AFAP1: variants seen among roughly 807,000 people sequenced by gnomAD.
AFAP1 encodes the protein actin filament-associated protein 1.
A neutral mutation model predicts 93.9 loss-of-function variants in AFAP1; 75 were observed. The observed-to-expected ratio is 0.80, with a 90% CI of 0.66 to 0.97. The LOEUF is 0.97. Among genes scored for constraint, AFAP1 ranks in the 50% least tolerant of loss-of-function variants. The pLI is 0.00. For synonymous variants in AFAP1, 517 were observed against 430.7 expected (o/e 1.20, Z -2.48); for missense variants, 1,201 against 1,050.8 (o/e 1.14, Z -1.98).
intron 10 of AFAP1, among the ~76,000 whole-genome samples, chr4:7,796,073 G>C (rs1718392781): frequency 1.3e-5 from 2 of 152,110 alleles, no homozygotes; most frequent in South Asian, 4.1e-4. Context: ...GTGTGTGTAT[G>C]TATCCACATC....
chr4:7,874,924 T>A (rs1443388471), intron 1 of AFAP1, among the ~76,000 whole-genome samples: 1 of 152,148 alleles, frequency 6.6e-6, no homozygotes, highest in African/African-American at 2.4e-5. Flanking sequence ...ATTTGCCAAT[T>A]TTAATTCTAA....
chr4:7,837,808 C>A (rs1025884968), intron 6 of AFAP1, among the ~76,000 whole-genome samples: 4 of 152,146 alleles, frequency 2.6e-5, no homozygotes, highest in African/African-American at 9.7e-5. Context: ...CACTTGAGCT[C>A]ATGAGTTTGA....
chr4:7,860,070 G>A (rs899774473), intron 3 of AFAP1, among the ~76,000 whole-genome samples: 4 of 152,162 alleles, frequency 2.6e-5, no homozygotes, highest in African/African-American at 9.7e-5. Flanking sequence ...TCGAGCCCGG[G>A]AAGTCGAGGC....
intron 15 of AFAP1, 98 bp downstream of exon 15, chr4:7,774,641 A>G: frequency 6.8e-7 from 1 of 1,474,978 alleles, no homozygotes; most frequent in Non-Finnish European, 9.1e-7. Flanking sequence ...ATAAAATGAC[A>G]GCCTTGGTGA....
chr4:7,905,882 G>T (rs1482128247), intron 1 of AFAP1, among the ~76,000 whole-genome samples: 1 of 152,186 alleles, frequency 6.6e-6, no homozygotes, highest in African/African-American at 2.4e-5. Context: ...CTGCAGTGTG[G>T]AGGCAGGCAT....
At chr4:7,895,703 G>A (rs1003631249) in intron 1 of AFAP1, among the ~76,000 whole-genome samples, 2 of 152,170 alleles carry the variant, frequency 1.3e-5, no homozygotes, top group African/African-American at 4.8e-5. Context: ...ATGAATGACA[G>A]AGCGAGCTCT....
intron 4 of AFAP1, among the ~76,000 whole-genome samples, chr4:7,844,758 C>A (rs1007118636): frequency 6.6e-6 from 1 of 152,250 alleles, no homozygotes; most frequent in African/African-American, 2.4e-5. Flanking sequence ...TACCAGCGCC[C>A]GTCATTCCTC....
At position 7,800,571 on chromosome 4, in the gene AFAP1, G is replaced by A. The variant is rs1718929191; in HGVS notation, c.1137C>T (p.Asp379=). ...VKDNKLIFHK[D]RTDLKTHIVS... ...CAATATGGGTCTTCAGGTCGGTCCTGTCCTTGTGGAAAATGAGCTTGTTAT... is the reference window on the plus strand; with the variant it reads ...CAATATGGGTCTTCAGGTCGGTCCTATCCTTGTGGAAAATGAGCTTGTTAT... The change falls in exon 10 of 18, where the codon GAC becomes GAT. Residue 379 remains aspartate (D), a synonymous_variant. Coordinates refer to ENST00000420658, the MANE Select transcript of AFAP1 (RefSeq NM_001134647.2). The A allele has an allele frequency of 6.2e-7, 1 of 1,614,088 alleles. No individual in the cohort carries two copies. Among genetic ancestry groups the A allele is most frequent in the South Asian group, 1.1e-5 (1 of 91,086 alleles).
At chr4:7,816,431 C>T (rs192703738) in intron 7 of AFAP1, among the ~76,000 whole-genome samples, 3 of 152,146 alleles carry the variant, frequency 2.0e-5, no homozygotes, top group African/African-American at 7.2e-5. Flanking sequence ...AAAATATTTC[C>T]CTCACCAAGC....
chr4:7,786,246 T>G lies in AFAP1; in HGVS notation c.1478A>C (p.His493Pro). ...YLGGTSNGYA[H>P]PSGTALHYDD... Reference sequence around the variant, plus strand: ...ATAATGAAGTGCCGTCCCGCTGGGGTGGGCATAGCCGTTGGAGGTGCCCCC... The same window carrying G: ...ATAATGAAGTGCCGTCCCGCTGGGGGGGGCATAGCCGTTGGAGGTGCCCCC... Residue 493 changes from histidine to proline, a missense_variant, in exon 12 of 18, where the codon CAC becomes CCC. Coordinates refer to ENST00000420658, the MANE Select transcript of AFAP1 (RefSeq NM_001134647.2). The G allele has an allele frequency of 6.2e-7, 1 of 1,614,170 alleles. No individual in the cohort carries two copies. The highest frequency in any genetic ancestry group is 8.5e-7 in the Non-Finnish European group (1 of 1,180,030).
Position 7,759,482 on chromosome 4 carries a change from T to G in AFAP1, c.*4283A>C, listed in dbSNP as rs1037109335. On this transcript the variant is annotated 3_prime_UTR_variant, in exon 18 of 18. Coordinates refer to ENST00000420658, the MANE Select transcript of AFAP1 (RefSeq NM_001134647.2). The stretch of plus-strand genomic sequence containing the variant: ...TTTCTGCAGTGCTGTGCCACGTATT[T>G]ACGGCAGGAACGTTTTGGTTTCATT... The G allele has an allele frequency of 6.5e-6, 1 of 152,698 alleles. No individual in the cohort carries two copies. The highest frequency in any genetic ancestry group is 2.1e-4 in the South Asian group (1 of 4,830). The allele number at this position is 152,698 out of a possible 1,614,324, so 9.5% of individuals were successfully genotyped here.
At chr4:7,933,332 T>C (rs1459221640) in intron 1 of AFAP1, among the ~76,000 whole-genome samples, 1 of 152,044 alleles carries the variant, frequency 6.6e-6, no homozygotes, top group Non-Finnish European at 1.5e-5. Flanking sequence ...CACAGCACTT[T>C]GGGAGGCCAA....
chr4:7,843,634 C>A (rs1293779730), intron 4 of AFAP1: 6 of 345,872 alleles, frequency 1.7e-5, no homozygotes, highest in African/African-American at 1.3e-4. Context: ...TGACCCGACA[C>A]TGACTCCTCA....
chr4:7,771,390 C>T (rs1055266792), intron 16 of AFAP1, among the ~76,000 whole-genome samples: 1 of 151,722 alleles, frequency 6.6e-6, no homozygotes, highest in African/African-American at 2.4e-5. Context: ...TAGTATGTAT[C>T]GTATAAATAT....
At chr4:7,876,345 T>C (rs1403635491) in intron 1 of AFAP1, among the ~76,000 whole-genome samples, 2 of 152,278 alleles carry the variant, frequency 1.3e-5, no homozygotes, top group African/African-American at 4.8e-5. Context: ...TGCAAGGTCC[T>C]GCACACTGCC....
At chr4:7,777,054 A>T (rs551724311) in intron 14 of AFAP1, 19 of 152,338 alleles carry the variant, frequency 1.2e-4, no homozygotes, top group African/African-American at 4.1e-4. Context: ...GGAATAAATC[A>T]TCTAGGAAAT....
rs555015327 is a variant in AFAP1 at position 7,920,937 on chromosome 4, C to T, written c.-3+18719G>A. On this transcript the variant is annotated intron_variant, in intron 1 of 17. Transcript: ENST00000420658. Reference sequence around the variant, plus strand: ...AAATAGTACATAATTACAGTATTAACTTGTCAAAAGCTAAATATATAAACT... The same window carrying T: ...AAATAGTACATAATTACAGTATTAATTTGTCAAAAGCTAAATATATAAACT... 4.6e-5 allele frequency among the ~76,000 whole-genome samples: 7 copies of T among 151,812 alleles called. No homozygotes were observed. The South Asian group carries it at 1.2e-3, about 27-fold the overall frequency.
At chr4:7,880,472 G>T (rs1296709539) in intron 1 of AFAP1, among the ~76,000 whole-genome samples, 2 of 152,046 alleles carry the variant, frequency 1.3e-5, no homozygotes, top group Non-Finnish European at 2.9e-5. Context: ...TAGAGACGGG[G>T]TTTCACCATG....
At chr4:7,838,467 G>T (rs1466462394) in intron 6 of AFAP1, 57 bp downstream of exon 6, 5 of 1,525,752 alleles carry the variant, frequency 3.3e-6, no homozygotes, top group Admixed American at 2.2e-5. Flanking sequence ...AAATTAAAAT[G>T]GATCTCAGAA....
Sources: allele counts gnomAD v4.1 joint callset (sites outside exome capture counted in the v4.1 genomes callset), GRCh38; gene constraint gnomAD v4.1.1; transcripts MANE v1.5; gene names NCBI Gene and HGNC (gene_info 2026-07-23, HGNC 2026-07-21).